PJA2: variants seen among roughly 807,000 people sequenced by gnomAD.
PJA2 encodes the protein E3 ubiquitin-protein ligase Praja-2.
A neutral mutation model predicts 69.3 loss-of-function variants in PJA2; 25 were observed. The observed-to-expected ratio is 0.36, with a 90% CI of 0.26 to 0.50. PJA2 has a LOEUF of 0.50. PJA2 is among the 20% of genes least tolerant of loss of function. The pLI, the probability that PJA2 is intolerant of heterozygous loss-of-function variation, is 0.96. For missense variants in PJA2, 809 were observed against 830.2 expected (o/e 0.97, Z 0.31); for synonymous variants, 308 against 277.8 (o/e 1.11, Z -1.08).
rs1031453953 is a variant in PJA2, at chr5:109,337,217, T to C, written c.*14A>G. The C allele has an allele frequency of 6.2e-7, 1 of 1,612,532 alleles. No homozygotes were observed. Among genetic ancestry groups the C allele is most frequent in the African/African-American group, 1.3e-5 (1 of 74,982 alleles). On this transcript the variant is annotated 3_prime_UTR_variant, in exon 10 of 10. Transcript: ENST00000361189. ...TTTACTTTGATACACTGATCTCATT[T>C]CAACTGTCAAGGTTTAGGGTGCTTC...
chr5:109,363,846 AG>A (rs1582601373), intron 5 of PJA2, among the ~76,000 whole-genome samples: 1 of 152,200 alleles, frequency 6.6e-6, no homozygotes, highest in Non-Finnish European at 1.5e-5. Flanking sequence ...ATTTCAAAAC[AG>A]GAAGAAAAAA....
intron 4 of PJA2, among the ~76,000 whole-genome samples, chr5:109,372,580 G>A (rs1284643317): frequency 6.6e-6 from 1 of 152,096 alleles, no homozygotes; most frequent in East Asian, 1.9e-4. Context: ...AAAGACAAAT[G>A]GATGTGGAAA....
Position 109,336,138 on chromosome 5 carries a change from G to A in PJA2, c.*1093C>T, listed in dbSNP as rs1382196310. 1.3e-5 allele frequency: 2 copies of A among 152,376 alleles called. No homozygotes were observed. Among genetic ancestry groups the A allele is most frequent in the Non-Finnish European group, 2.9e-5 (2 of 68,014 alleles). The allele number at this position is 152,376 out of a possible 1,614,324, so 9.4% of individuals were successfully genotyped here. A position where few individuals can be genotyped will look rare whatever the true frequency, so the allele number is the denominator to read the frequency against. ...TAAATTATCAATGTACCAGTTAGAC[G>A]GACATACACTCACTATGTGCTTTAC... On this transcript the variant is annotated 3_prime_UTR_variant, in exon 10 of 10. Transcript: ENST00000361189.
chr5:109,381,780 C>T (rs1209050359), intron 2 of PJA2, 77 bp from the exon 3 acceptor site: 8 of 1,180,294 alleles, frequency 6.8e-6, no homozygotes, highest in Non-Finnish European at 9.7e-6. Context: ...AAAACTACTT[C>T]AGTTTATATT....
At chr5:109,365,338 T>C (rs1051401165) in intron 5 of PJA2, among the ~76,000 whole-genome samples, 9 of 152,090 alleles carry the variant, frequency 5.9e-5, no homozygotes, top group Admixed American at 2.6e-4. Context: ...ATAAAGGAAA[T>C]CTATATGAAT....
At chr5:109,356,099 A>G (rs1582595408) in intron 6 of PJA2, 73 bp from the exon 7 acceptor site, 1 of 929,240 alleles carries the variant, frequency 1.1e-6, no homozygotes, top group Non-Finnish European at 1.7e-6. Flanking sequence ...GGACATAATT[A>G]TATTAGCATA....
At chr5:109,356,100 T>C (rs147772543) in intron 6 of PJA2, 74 bp from the exon 7 acceptor site, 86 of 928,582 alleles carry the variant, frequency 9.3e-5, no homozygotes, top group African/African-American at 7.8e-4. Context: ...GACATAATTA[T>C]ATTAGCATAC....
At chr5:109,373,548 T>C (rs1386084406) in intron 4 of PJA2, among the ~76,000 whole-genome samples, 2 of 152,180 alleles carry the variant, frequency 1.3e-5, no homozygotes, top group Non-Finnish European at 2.9e-5. Context: ...AGGGAAAAGA[T>C]TTAAAAATCA....
chr5:109,337,250 C>G lies in PJA2; in HGVS notation c.2108G>C (p.Ser703Thr). Reference protein sequence around the residue: ...PDPDAPPSNDSIAEAP With the variant: ...PDPDAPPSNDTIAEAP ...CAAGGTTTAGGGTGCTTCTGCAATA[C>G]TGTCATTTGAAGGTGGGGCATCAGG... The change falls in exon 10 of 10, where the codon AGT (serine) becomes ACT (threonine). Residue 703 changes from serine (S) to threonine (T), a missense_variant. This residue lies in a region of PJA2 where 35 missense variants were observed against 37.0 expected (regional missense o/e 0.94). Coordinates refer to ENST00000361189, the MANE Select transcript of PJA2 (RefSeq NM_014819.5). 3 of 1,613,728 alleles carry G rather than the reference C, an allele frequency of 1.9e-6. No homozygotes were observed. The highest frequency in any genetic ancestry group is 1.7e-6 in the Non-Finnish European group (2 of 1,179,902).
intron 1 of PJA2, among the ~76,000 whole-genome samples, chr5:109,403,025 T>G (rs1199013997): frequency 6.8e-6 from 1 of 147,870 alleles, no homozygotes; most frequent in East Asian, 2.0e-4. Context: ...TAGAAAGAAA[T>G]AGTAAGAAGC....
At position 109,381,678 on chromosome 5, in the gene PJA2, A is replaced by G; in HGVS notation, c.57T>C (p.Ala19=). ...ACCCTCCTGCTGGTTTGGGCCAGAC[A>G]GCCTTACCAGATTCTTGGTCCATTG... ...PAAMDQESGK[A]VWPKPAGGYQ... is the part of the protein sequence containing the mutation. The change falls in exon 3 of 10, where the codon GCT becomes GCC. Residue 19 remains alanine (A), a synonymous_variant. Transcript: ENST00000361189. 2.5e-6 allele frequency: 4 copies of G among 1,613,996 alleles called. No individual in the cohort carries two copies. The highest frequency in any genetic ancestry group is 3.4e-6 in the Non-Finnish European group (4 of 1,180,024).
chr5:109,381,114 A>G (rs75436682), intron 3 of PJA2, among the ~76,000 whole-genome samples: 1 of 145,032 alleles, frequency 6.9e-6, no homozygotes, highest in East Asian at 2.0e-4. Flanking sequence ...ACTCCATCTC[A>G]AAAAAAAAAA....
chr5:109,382,923 A>G (rs1156662749), intron 2 of PJA2, among the ~76,000 whole-genome samples: 2 of 152,224 alleles, frequency 1.3e-5, no homozygotes, highest in Non-Finnish European at 2.9e-5. Context: ...AATAAGAAAT[A>G]TAATCACTTC....
chr5:109,368,437 C>G (rs998557824), intron 5 of PJA2, 124 bp downstream of exon 5: 12 of 733,332 alleles, frequency 1.6e-5, no homozygotes, highest in Middle Eastern at 4.0e-4. Context: ...ATGAAAAAAT[C>G]AGGGGGGCCT....
At chr5:109,363,689 CTTAT>C (rs138684153) in intron 5 of PJA2, among the ~76,000 whole-genome samples, 5,363 of 152,208 alleles carry the variant, frequency 0.035, 98 homozygotes, top group Middle Eastern at 0.048. Flanking sequence ...CATAACTCTG[CTTAT>C]TTAAACTATA....
chr5:109,348,969 A>C (rs1264322899), intron 7 of PJA2, among the ~76,000 whole-genome samples: 2 of 152,128 alleles, frequency 1.3e-5, no homozygotes, highest in Admixed American at 6.5e-5. Context: ...TTAAATTTGC[A>C]ATTTAGTCTT....
intron 7 of PJA2, among the ~76,000 whole-genome samples, chr5:109,348,362 G>A (rs35543286): frequency 6.6e-6 from 1 of 152,160 alleles, no homozygotes; most frequent in Admixed American, 6.5e-5. Context: ...AACGCAAAAT[G>A]TAATTGTGTG....
intron 6 of PJA2, among the ~76,000 whole-genome samples, chr5:109,357,438 A>G (rs1407009646): frequency 6.6e-6 from 1 of 152,236 alleles, no homozygotes; most frequent in African/African-American, 2.4e-5. Flanking sequence ...CACATGATAC[A>G]AAGCAACAGA....
intron 9 of PJA2, among the ~76,000 whole-genome samples, chr5:109,343,305 G>A (rs1196594649): frequency 0.024 from 539 of 22,710 alleles, no homozygotes; most frequent in African/African-American, 0.03. Context: ...AAGAAAGAAA[G>A]AAAGAAAAAA....
Sources: gnomAD v4.1 joint callset for allele counts (sites outside exome capture counted in the v4.1 genomes callset) on GRCh38, gnomAD v4.1.1 for gene constraint, gnomAD v4.1.1 regional missense constraint, MANE v1.5 for transcripts, NCBI Gene and HGNC (gene_info 2026-07-23, HGNC 2026-07-21) for gene names.